FGF12: variants seen among roughly 807,000 people sequenced by gnomAD.
FGF12 encodes fibroblast growth factor 12.
A neutral mutation model predicts 23.6 loss-of-function variants in FGF12; 14 were observed. The ratio of observed to expected loss-of-function variants is 0.59; its 90% confidence interval spans 0.39 to 0.93. The LOEUF (loss-of-function observed/expected upper bound fraction) is 0.93. FGF12 is among the 40% of genes least tolerant of loss of function. FGF12 has a pLI of 0.00. For missense variants in FGF12, 175 were observed against 217.8 expected (o/e 0.80, Z 1.24); for synonymous variants, 62 against 77.3 (o/e 0.80, Z 1.04).
chr3:192,629,968 G>C (rs1035948027), intron 2 of FGF12, among the ~76,000 whole-genome samples: 11 of 152,288 alleles, frequency 7.2e-5, no homozygotes, highest in East Asian at 5.8e-4. Flanking sequence ...GGCCCAAATC[G>C]CATGTTGAAC....
intron 4 of FGF12, among the ~76,000 whole-genome samples, chr3:192,187,173 A>G (rs1393368696): frequency 6.6e-6 from 1 of 152,210 alleles, no homozygotes; most frequent in Non-Finnish European, 1.5e-5. Flanking sequence ...CTAGCATTCA[A>G]TTTTGAAAAG....
At chr3:192,430,437 T>G (rs1301027757) in intron 2 of FGF12, among the ~76,000 whole-genome samples, 2 of 152,206 alleles carry the variant, frequency 1.3e-5, no homozygotes, top group Admixed American at 6.5e-5. Context: ...GGAGATCCAT[T>G]GCACAGCGGT....
At chr3:192,549,663 C>T (rs540855748) in intron 2 of FGF12, among the ~76,000 whole-genome samples, 1 of 152,116 alleles carries the variant, frequency 6.6e-6, no homozygotes, top group Admixed American at 6.5e-5. Context: ...TAGAGTAAAA[C>T]AGATTGCTTT....
At chr3:192,547,354 A>G (rs1385537443) in intron 2 of FGF12, among the ~76,000 whole-genome samples, 1 of 152,188 alleles carries the variant, frequency 6.6e-6, no homozygotes, top group African/African-American at 2.4e-5. Context: ...TGATCACAAT[A>G]GAATAATCCA....
intron 2 of FGF12, among the ~76,000 whole-genome samples, chr3:192,659,044 C>T (rs1386930765): frequency 2.0e-5 from 3 of 152,148 alleles, no homozygotes; most frequent in Non-Finnish European, 2.9e-5. Flanking sequence ...CAGGACAAAT[C>T]AGGCTTGAAA....
At chr3:192,544,336 G>A (rs1314296511) in intron 2 of FGF12, among the ~76,000 whole-genome samples, 1 of 152,096 alleles carries the variant, frequency 6.6e-6, no homozygotes, top group Non-Finnish European at 1.5e-5. Flanking sequence ...AGTTAAAACT[G>A]GGTACTGTGA....
rs141662546 is a variant in FGF12, at chr3:192,277,795, C to T, written c.228+57566G>A. ...TTTCTTTTTTTGAGACAGAGTCTCG[C>T]TCTGTCGCCCTGGCTGGAGTGCAGT... On this transcript the variant is annotated intron_variant, in intron 4 of 5. Coordinates refer to ENST00000445105, the MANE Select transcript of FGF12 (RefSeq NM_004113.6). 4.2e-3 allele frequency among the ~76,000 whole-genome samples: 645 copies of T among 152,316 alleles called. 3 individuals are homozygous for T. Among genetic ancestry groups the T allele is most frequent in the African/African-American group, 0.015 (612 of 41,576 alleles).
chr3:192,599,153 T>C (rs1713991706), intron 2 of FGF12, among the ~76,000 whole-genome samples: 1 of 151,868 alleles, frequency 6.6e-6, no homozygotes, highest in African/African-American at 2.4e-5. Flanking sequence ...AAGAAATACC[T>C]AATGTAGATC....
chr3:192,718,617 G>T (rs899552423), intron 2 of FGF12, among the ~76,000 whole-genome samples: 1 of 152,130 alleles, frequency 6.6e-6, no homozygotes, highest in Non-Finnish European at 1.5e-5. Context: ...CCAAGACAGC[G>T]TCTTTTCCAC....
At chr3:192,211,842 T>A (rs1234594731) in intron 4 of FGF12, among the ~76,000 whole-genome samples, 2 of 152,198 alleles carry the variant, frequency 1.3e-5, no homozygotes. Context: ...AAAGACATAA[T>A]ACAAAATAGC....
chr3:192,597,168 C>A (rs1366281079), intron 2 of FGF12, among the ~76,000 whole-genome samples: 1 of 152,118 alleles, frequency 6.6e-6, no homozygotes, highest in Non-Finnish European at 1.5e-5. Context: ...TTAATTCCTA[C>A]CCTAACTTAT....
At chr3:192,500,954 T>C (rs1278961282) in intron 2 of FGF12, among the ~76,000 whole-genome samples, 1 of 152,226 alleles carries the variant, frequency 6.6e-6, no homozygotes, top group Non-Finnish European at 1.5e-5. Flanking sequence ...CGTGGCTCCA[T>C]AGTCCATACT....
intron 2 of FGF12, among the ~76,000 whole-genome samples, chr3:192,429,984 T>C (rs1355743071): frequency 1.3e-5 from 2 of 152,230 alleles, no homozygotes; most frequent in Non-Finnish European, 2.9e-5. Flanking sequence ...GCCACTATTC[T>C]ATTTTAGTTA....
chr3:192,415,241 CTCTAAGTCCCACTG>C (rs1721310632), intron 2 of FGF12, among the ~76,000 whole-genome samples: 1 of 152,080 alleles, frequency 6.6e-6, no homozygotes, highest in Non-Finnish European at 1.5e-5. Context: ...TTTAGCCCTA[CTCTAAGTCCCACTG>C]TCACTAACCC....
chr3:192,261,984 C>A (rs1202466576), intron 4 of FGF12, among the ~76,000 whole-genome samples: 1 of 152,118 alleles, frequency 6.6e-6, no homozygotes, highest in African/African-American at 2.4e-5. Flanking sequence ...AACAGAGGTG[C>A]CCCCTTAGTA....
chr3:192,593,265 G>C (rs752879759), intron 2 of FGF12, among the ~76,000 whole-genome samples: 1 of 151,676 alleles, frequency 6.6e-6, no homozygotes, highest in Non-Finnish European at 1.5e-5. Context: ...TTAGACTCCA[G>C]ATATCTTTTT....
intron 5 of FGF12, among the ~76,000 whole-genome samples, chr3:192,158,367 T>TTTCTTTCTTTCTCTTTCTTTCTTTCTTTC: frequency 8.2e-6 from 1 of 122,430 alleles, no homozygotes; most frequent in Non-Finnish European, 1.7e-5. Context: ...TCTTTCTTTC[T>TTTCTTTCTTTCTCTTTCTTTCTTTCTTTC]TTCTTTCTTT....
intron 2 of FGF12, among the ~76,000 whole-genome samples, chr3:192,693,728 C>T (rs1718018539): frequency 1.3e-5 from 2 of 152,044 alleles, no homozygotes; most frequent in Non-Finnish European, 2.9e-5. Context: ...AGAACCTTAT[C>T]TTACACTACA....
At chr3:192,147,781 T>C (rs946962109) in intron 5 of FGF12, among the ~76,000 whole-genome samples, 26 of 152,152 alleles carry the variant, frequency 1.7e-4, no homozygotes, top group African/African-American at 6.3e-4. Context: ...AAATCAGAAA[T>C]ACCATAATTT....
Sources: gnomAD v4.1 joint callset for allele counts (sites outside exome capture counted in the v4.1 genomes callset) on GRCh38, gnomAD v4.1.1 for gene constraint, MANE v1.5 for transcripts, NCBI Gene and HGNC (gene_info 2026-07-23, HGNC 2026-07-21) for gene names.